Variants in SUGCT observed in about 807,000 individuals in gnomAD.
SUGCT encodes the protein succinyl-CoA:glutarate-CoA transferase.
Under a neutral mutation model 55.0 loss-of-function variants are expected in SUGCT, and 41 were observed. That is an observed-to-expected ratio of 0.74 (90% CI 0.58 to 0.97). The LOEUF (loss-of-function observed/expected upper bound fraction) is 0.97. Among genes scored for constraint, SUGCT ranks in the 50% least tolerant of loss-of-function variants. The pLI is 0.00. For synonymous variants in SUGCT, 187 were observed against 200.4 expected (o/e 0.93, Z 0.56); for missense variants, 568 against 547.8 (o/e 1.04, Z -0.37).
chr7:40,713,082 G>A lies in SUGCT; in HGVS notation c.1090-36352G>A, dbSNP rs550362115. On this transcript the variant is annotated intron_variant, in intron 12 of 13. Coordinates refer to ENST00000335693, the MANE Select transcript of SUGCT (RefSeq NM_001193313.2). ...TAATGAAGGGAGGAGGAGGGGGTGC[G>A]GTTGGCTTCTGTTCCGTTTCCTCAC... Among the ~76,000 whole-genome samples, 13 of 152,274 alleles carry A rather than the reference G, an allele frequency of 8.5e-5. No individual in the cohort carries two copies. The South Asian group carries it at 1.5e-3, about 17-fold the overall frequency.
intron 12 of SUGCT, among the ~76,000 whole-genome samples, chr7:40,696,727 A>G (rs1784949790): frequency 6.6e-6 from 1 of 152,144 alleles, no homozygotes; most frequent in Admixed American, 6.5e-5. Flanking sequence ...CATTTTCTTC[A>G]TTACTTCATA....
intron 3 of SUGCT, among the ~76,000 whole-genome samples, chr7:40,185,140 CATT>C (rs1426790321): frequency 6.6e-6 from 1 of 152,154 alleles, no homozygotes; most frequent in African/African-American, 2.4e-5. Context: ...CGCTTTTAGT[CATT>C]GTTGGATACA....
chr7:40,963,505 C>G, the SUGCT span, among the ~76,000 whole-genome samples: 7,734 of 152,264 alleles, frequency 0.051, 294 homozygotes, highest in South Asian at 0.16. Flanking sequence ...AGGATATGCT[C>G]TTATGCCTTA....
chr7:40,862,664 G>A (rs1794513181), downstream of SUGCT, among the ~76,000 whole-genome samples: 2 of 151,858 alleles, frequency 1.3e-5, no homozygotes, highest in Admixed American at 6.6e-5. Flanking sequence ...AAAATTTTCT[G>A]AAACTCAGTG....
intron 6 of SUGCT, among the ~76,000 whole-genome samples, chr7:40,226,612 G>T (rs553819037): frequency 1.3e-5 from 2 of 151,012 alleles, no homozygotes; most frequent in South Asian, 2.1e-4. Flanking sequence ...CAGGTGTAGG[G>T]TATCCAAAGT....
At chr7:40,901,277 A>C in the SUGCT span, among the ~76,000 whole-genome samples, 1 of 152,202 alleles carries the variant, frequency 6.6e-6, no homozygotes, top group Admixed American at 6.5e-5. Context: ...AGCGAAGAAA[A>C]CAATGACTCT....
chr7:40,264,338 TGA>T (rs931569773), intron 7 of SUGCT, among the ~76,000 whole-genome samples: 2 of 152,210 alleles, frequency 1.3e-5, no homozygotes, highest in Admixed American at 6.5e-5. Context: ...TTCAGTGTTT[TGA>T]GTTACTAAAT....
chr7:40,406,112 C>G (rs868866973), intron 9 of SUGCT, among the ~76,000 whole-genome samples: 4 of 152,048 alleles, frequency 2.6e-5, no homozygotes, highest in African/African-American at 9.7e-5. Context: ...ATGGGGGATG[C>G]TGATTGGTTG....
downstream of SUGCT, among the ~76,000 whole-genome samples, chr7:40,862,982 T>C (rs1198182005): frequency 6.6e-6 from 1 of 151,738 alleles, no homozygotes; most frequent in Non-Finnish European, 1.5e-5. Flanking sequence ...CTCATGCCTG[T>C]AATCCCAGCA....
intron 9 of SUGCT, among the ~76,000 whole-genome samples, chr7:40,434,914 T>C (rs969531651): frequency 6.6e-6 from 1 of 152,188 alleles, no homozygotes; most frequent in Non-Finnish European, 1.5e-5. Context: ...GGTTACTCCA[T>C]GAGAATTTCA....
intron 13 of SUGCT, among the ~76,000 whole-genome samples, chr7:40,802,881 T>C (rs1790895288): frequency 6.6e-6 from 1 of 152,202 alleles, no homozygotes; most frequent in Non-Finnish European, 1.5e-5. Context: ...AGAAAATATA[T>C]AAATGACCAG....
At chr7:40,919,046 C>T in the SUGCT span, among the ~76,000 whole-genome samples, 3 of 152,202 alleles carry the variant, frequency 2.0e-5, no homozygotes. Flanking sequence ...GGAGCGCCAT[C>T]CACTTAGCTG....
chr7:40,556,314 A>G (rs1249739116), intron 12 of SUGCT, among the ~76,000 whole-genome samples: 1 of 152,184 alleles, frequency 6.6e-6, no homozygotes, highest in African/African-American at 2.4e-5. Context: ...TATGCTGCAG[A>G]GTGGTGCAGC....
At chr7:40,840,037 C>A (rs1054660040) in intron 13 of SUGCT, among the ~76,000 whole-genome samples, 2 of 152,086 alleles carry the variant, frequency 1.3e-5, no homozygotes, top group Non-Finnish European at 2.9e-5. Context: ...AAAGAAAAAA[C>A]AGATGACTCA....
At chr7:40,137,131 A>T (rs1409460234) in intron 1 of SUGCT, among the ~76,000 whole-genome samples, 1 of 151,860 alleles carries the variant, frequency 6.6e-6, no homozygotes, top group Non-Finnish European at 1.5e-5. Context: ...TAACTTTATT[A>T]TTATTATTAT....
chr7:40,186,137 TTC>T (rs1333360857), intron 3 of SUGCT, among the ~76,000 whole-genome samples: 5 of 149,950 alleles, frequency 3.3e-5, no homozygotes, highest in Non-Finnish European at 7.4e-5. Context: ...CCTTCTTTCT[TTC>T]TCTCTCTCTC....
chr7:40,396,799 C>G (rs796322156), intron 9 of SUGCT, among the ~76,000 whole-genome samples: 109 of 151,804 alleles, frequency 7.2e-4, no homozygotes, highest in African/African-American at 2.5e-3. Flanking sequence ...TTTTTATTAC[C>G]TCATTCTCCC....
rs531003639 is a variant in SUGCT, at chr7:40,176,087, C to T, written c.101-4860C>T. Among the ~76,000 whole-genome samples, 103 of 152,132 alleles carry T rather than the reference C, an allele frequency of 6.8e-4. 1 individual carries two copies. The Middle Eastern group carries it at 0.014, about 20-fold the overall frequency. On this transcript the variant is annotated intron_variant, in intron 1 of 13. Transcript: ENST00000335693. The stretch of plus-strand genomic sequence containing the variant: ...TCTCTACTAAAAGTACAAAAAACAG[C>T]GGGACATGGTGGCACATGCCTGTAA...
chr7:40,375,724 TTAAA>T (rs1184310011), intron 9 of SUGCT, among the ~76,000 whole-genome samples: 29 of 152,334 alleles, frequency 1.9e-4, no homozygotes, highest in African/African-American at 6.7e-4. Flanking sequence ...TATAATTGTC[TTAAA>T]TAAATTATAG....
Sources: gnomAD v4.1 joint callset for allele counts (sites outside exome capture counted in the v4.1 genomes callset) on GRCh38, gnomAD v4.1.1 for gene constraint, MANE v1.5 for transcripts, NCBI Gene and HGNC (gene_info 2026-07-23, HGNC 2026-07-21) for gene names.